The following ELMO2 variants were observed in gnomAD, a reference collection of about 807,000 sequenced individuals.
The protein encoded by ELMO2 is engulfment and cell motility 2, also known as engulfment and cell motility protein 2.
A neutral mutation model predicts 96.2 loss-of-function variants in ELMO2; 37 were observed. The ratio of observed to expected loss-of-function variants is 0.38; its 90% CI spans 0.30 to 0.51. The LOEUF is 0.51. ELMO2 is among the 20% of genes least tolerant of loss of function. The pLI is 0.88. For missense variants in ELMO2, 561 were observed against 912.6 expected (o/e 0.61, Z 4.96); for synonymous variants, 315 against 329.4 (o/e 0.96, Z 0.47).
intron 2 of ELMO2, among the ~76,000 whole-genome samples, chr20:46,395,217 G>C (rs1184694022): frequency 1.3e-5 from 2 of 152,136 alleles, no homozygotes; most frequent in African/African-American, 4.8e-5. Context: ...ACAAGGCTTT[G>C]CAAGTACCTC....
intron 1 of ELMO2, among the ~76,000 whole-genome samples, chr20:46,401,311 T>G (rs1215452741): frequency 6.6e-6 from 1 of 152,164 alleles, no homozygotes. Flanking sequence ...TTAAGGTTCT[T>G]ATGTTTACTG....
rs570255699 is a variant in ELMO2 at position 46,375,875 on chromosome 20, A to T, written c.808-85T>A. 37 of 1,562,404 alleles carry T rather than the reference A, an allele frequency of 2.4e-5. No individual in the cohort carries two copies. In the South Asian group the frequency reaches 4.0e-4, roughly 17 times the overall value. ...CATCCATGCTAAGGAAAAGGAATGT[A>T]TGTTGGGAAGGGAACAGAGCTTTCC... On this transcript the variant is annotated intron_variant, in intron 11 of 21. Transcript: ENST00000290246. This position sits in a 1 kb window ranked among gnomAD's most constrained non-coding sequence, Gnocchi z 4.6.
At chr20:46,380,585 T>C (rs2059938075) in intron 10 of ELMO2, among the ~76,000 whole-genome samples, 1 of 152,182 alleles carries the variant, frequency 6.6e-6, no homozygotes. Context: ...TGAGGACTGC[T>C]TGAAGATGAG....
chr20:46,396,473 A>G (rs1014591398), intron 2 of ELMO2, among the ~76,000 whole-genome samples: 23 of 152,216 alleles, frequency 1.5e-4, no homozygotes, highest in Admixed American at 1.4e-3. Context: ...CCAGCACTCA[A>G]AACGAGACAC....
At chr20:46,394,253 C>A (rs1163781315) in intron 3 of ELMO2, 152 bp downstream of exon 3, 8 of 1,115,644 alleles carry the variant, frequency 7.2e-6, no homozygotes, top group African/African-American at 1.5e-5. Flanking sequence ...TGGTGACCGA[C>A]CTTCCCTAGG....
chr20:46,398,355 T>C (rs6011952), intron 2 of ELMO2, among the ~76,000 whole-genome samples: 151,405 of 152,254 alleles, frequency 0.99, 75,284 homozygotes, highest in Middle Eastern at 1. Flanking sequence ...TCTTGTCGCC[T>C]AGGCTGAAGT....
intron 4 of ELMO2, 174 bp downstream of exon 4, chr20:46,393,875 A>C: frequency 3.3e-6 from 3 of 905,684 alleles, no homozygotes; most frequent in Non-Finnish European, 5.0e-6. Context: ...AGAAGTATAA[A>C]CGTCTTAGGG....
rs761294008 is a variant in ELMO2, at chr20:46,373,508, G to A, written c.1307C>T (p.Pro436Leu). 1.2e-6 allele frequency: 2 copies of A among 1,614,138 alleles called. No individual in the cohort carries two copies. The highest frequency in any genetic ancestry group is 2.2e-5 in the East Asian group (1 of 44,882). Residue 436 changes from proline (P) to leucine (L), a missense_variant, in exon 16 of 22, where the codon CCG (proline) becomes CTG (leucine). Physicochemically the swap from Pro to Leu is moderately conservative, Grantham distance 98. Transcript: ENST00000290246. Reference sequence around the variant, plus strand: ...GGCTCGGTCATGGGTAAAGAACATCGGGTGGTAGTCATTGCGTCCTTCATT... The same window carrying A: ...GGCTCGGTCATGGGTAAAGAACATCAGGTGGTAGTCATTGCGTCCTTCATT... ...LPNEGRNDYH[P>L]MFFTHDRAFE...
intron 15 of ELMO2, 85 bp downstream of exon 15, chr20:46,374,247 G>T: frequency 8.8e-7 from 1 of 1,137,292 alleles, no homozygotes. Context: ...CGACCCCACT[G>T]ACATGTAACT....
Position 46,393,618 on chromosome 20 carries a change from C to G in ELMO2, c.120-17G>C. On this transcript the variant is annotated splice_polypyrimidine_tract_variant and intron_variant, in intron 4 of 21. Coordinates refer to ENST00000290246, the MANE Select transcript of ELMO2 (RefSeq NM_133171.5). ...AACGACCACCTATGCAAGAGAAAAA[C>G]AGTATATCCCACTTGGCCACTCTCT... 1 of 1,612,426 alleles carries G rather than the reference C, an allele frequency of 6.2e-7. No homozygotes were observed. Among genetic ancestry groups the G allele is most frequent in the Non-Finnish European group, 8.5e-7 (1 of 1,179,658 alleles).
At chr20:46,405,919 G>C (rs1014705601) in intron 1 of ELMO2, among the ~76,000 whole-genome samples, 2 of 152,206 alleles carry the variant, frequency 1.3e-5, no homozygotes, top group African/African-American at 2.4e-5. Flanking sequence ...GGTTTCTCTG[G>C]GCACGGTGCA....
intron 16 of ELMO2, among the ~76,000 whole-genome samples, chr20:46,372,497 G>A (rs1444079474): frequency 6.6e-6 from 1 of 152,166 alleles, no homozygotes; most frequent in East Asian, 1.9e-4. Flanking sequence ...CAGGTGTGGT[G>A]GCTCACGCCT....
At chr20:46,382,558 A>C (rs2059975107) in intron 10 of ELMO2, among the ~76,000 whole-genome samples, 1 of 152,206 alleles carries the variant, frequency 6.6e-6, no homozygotes, top group African/African-American at 2.4e-5. Flanking sequence ...AGATCATTTA[A>C]ACTGGCCCTT....
At chr20:46,382,339 C>A (rs1057469181) in intron 10 of ELMO2, 22 of 1,160,006 alleles carry the variant, frequency 1.9e-5, no homozygotes, top group Non-Finnish European at 2.4e-5. Context: ...CAGAGCCAAG[C>A]CATCCAAGAA....
intron 1 of ELMO2, among the ~76,000 whole-genome samples, chr20:46,404,370 A>C (rs887658283): frequency 6.6e-6 from 1 of 152,208 alleles, no homozygotes; most frequent in Non-Finnish European, 1.5e-5. Flanking sequence ...AAGTTTTTAA[A>C]GAAGTTTGGT....
rs2060332504 is a variant in ELMO2 at position 46,401,391 on chromosome 20, G to GAC, written c.-125-2622_-125-2621dup. Among the ~76,000 whole-genome samples the GAC allele has an allele frequency of 2.0e-5, 3 of 152,158 alleles. No individual in the cohort carries two copies. The South Asian group carries it at 6.2e-4, about 32-fold the overall frequency. On this transcript the variant is annotated intron_variant, in intron 1 of 21. Transcript: ENST00000290246. ...TTCCCCTTTTTGTTGAAGTATGTTA[G>GAC]ACACAGGACTCATTCACACATGGTA...
intron 19 of ELMO2, among the ~76,000 whole-genome samples, chr20:46,370,976 C>G (rs1394097015): frequency 6.6e-6 from 1 of 152,148 alleles, no homozygotes; most frequent in South Asian, 2.1e-4. Context: ...GGCTATTATT[C>G]CCACTTTACA....
At position 46,366,275 on chromosome 20, in the gene ELMO2, C is replaced by T. The variant is rs1383359967; in HGVS notation, c.*1085G>A. 6.6e-6 allele frequency: 1 copy of T among 152,640 alleles called. No homozygotes were observed. Among genetic ancestry groups the T allele is most frequent in the East Asian group, 1.9e-4 (1 of 5,196 alleles). 9.5% of individuals were successfully genotyped at this position (152,640 alleles called of 1,614,324 possible). ...TAGTAATGAAAATATATAGTACACT[C>T]TTCATTGGGTAGTACCTACCATGCC... On this transcript the variant is annotated 3_prime_UTR_variant, in exon 22 of 22. Coordinates refer to ENST00000290246, the MANE Select transcript of ELMO2 (RefSeq NM_133171.5).
intron 6 of ELMO2, among the ~76,000 whole-genome samples, chr20:46,392,676 A>G (rs1414406057): frequency 2.6e-5 from 4 of 152,118 alleles, no homozygotes; most frequent in Admixed American, 2.6e-4. Flanking sequence ...TTTCCCAAAC[A>G]CAGCATACCT....
Sources: allele counts gnomAD v4.1 joint callset (sites outside exome capture counted in the v4.1 genomes callset), GRCh38; gene constraint gnomAD v4.1.1; non-coding constraint Gnocchi (gnomAD v3.1); transcripts MANE v1.5; gene names NCBI Gene and HGNC (gene_info 2026-07-23, HGNC 2026-07-21).